Variants in CCNJL observed in about 807,000 individuals in gnomAD.
The protein encoded by CCNJL is cyclin J like, also known as cyclin-J-like protein.
CCNJL carries 33 observed loss-of-function variants against 33.4 expected under a neutral mutation model. The observed-to-expected ratio is 0.99, with a 90% CI of 0.75 to 1.32. The LOEUF (loss-of-function observed/expected upper bound fraction) is 1.32. Among genes scored for constraint, CCNJL ranks in the 40% most tolerant of loss-of-function variants. The pLI, the probability that CCNJL is intolerant of heterozygous loss-of-function variation, is 0.00. For synonymous variants in CCNJL, 227 were observed against 220.9 expected, an observed-to-expected ratio of 1.03 and a Z score of -0.24; for missense variants, 512 against 499.7, an observed-to-expected ratio of 1.02 and a Z score of -0.23.
intron 3 of CCNJL, among the ~76,000 whole-genome samples, chr5:160,270,559 A>G (rs918865113): frequency 2.6e-5 from 4 of 152,202 alleles, no homozygotes; most frequent in Non-Finnish European, 4.4e-5. Flanking sequence ...CCTGAGTGAC[A>G]GAGTGAGATC....
In CCNJL at chr5:160,249,776, A is replaced by G. The variant is rs1440030045; in HGVS notation, c.*3602T>C. Reference sequence around the variant, plus strand: ...AGACCCTGTTTCAAAAAATAAATAAATAAATAAATAAATAAATAAATAAAT... The same window carrying G: ...AGACCCTGTTTCAAAAAATAAATAAGTAAATAAATAAATAAATAAATAAAT... On this transcript the variant is annotated 3_prime_UTR_variant, in exon 6 of 6. Coordinates refer to ENST00000257536, the MANE Select transcript of CCNJL (RefSeq NM_001308173.3). 1 of 101,732 alleles carries G rather than the reference A, an allele frequency of 9.8e-6. No individual in the cohort carries two copies. The highest frequency in any genetic ancestry group is 2.6e-4 in the East Asian group (1 of 3,900). 6.3% of individuals were successfully genotyped at this position (101,732 alleles called of 1,614,324 possible). A position where few individuals can be genotyped will look rare whatever the true frequency, so the allele number is the denominator to read the frequency against.
intron 3 of CCNJL, among the ~76,000 whole-genome samples, chr5:160,265,901 A>C (rs1727193879): frequency 6.6e-6 from 1 of 152,238 alleles, no homozygotes; most frequent in Non-Finnish European, 1.5e-5. Context: ...AATGCCTTTA[A>C]AAACAAGCAA....
At chr5:160,292,272 G>C (rs1318944929) in intron 2 of CCNJL, among the ~76,000 whole-genome samples, 1 of 152,122 alleles carries the variant, frequency 6.6e-6, no homozygotes, top group Non-Finnish European at 1.5e-5. Flanking sequence ...TAGTTTTATA[G>C]AGCCTTATGA....
intron 2 of CCNJL, among the ~76,000 whole-genome samples, chr5:160,303,469 G>A (rs1762988304): frequency 6.6e-6 from 1 of 150,960 alleles, no homozygotes; most frequent in Admixed American, 6.6e-5. Context: ...GCCTCCCAAA[G>A]TGCTGGGATT....
At chr5:160,295,015 C>T (rs563194490) in intron 2 of CCNJL, 48 of 152,402 alleles carry the variant, frequency 3.1e-4, no homozygotes, top group African/African-American at 1.0e-3. Context: ...ACTACCCCCT[C>T]GCTGCGACTC....
At chr5:160,268,187 C>T (rs1394941295) in intron 3 of CCNJL, among the ~76,000 whole-genome samples, 3 of 152,212 alleles carry the variant, frequency 2.0e-5, no homozygotes, top group African/African-American at 7.2e-5. Flanking sequence ...CCAGGGGAGA[C>T]AGATTTTGAG....
intron 3 of CCNJL, among the ~76,000 whole-genome samples, chr5:160,267,192 T>C (rs1349120561): frequency 1.3e-5 from 2 of 152,186 alleles, no homozygotes; most frequent in Non-Finnish European, 2.9e-5. Context: ...TGGCAGACCC[T>C]GGACCACACA....
At chr5:160,307,777 G>A (rs1763137956) in intron 2 of CCNJL, among the ~76,000 whole-genome samples, 1 of 152,168 alleles carries the variant, frequency 6.6e-6, no homozygotes, top group Non-Finnish European at 1.5e-5. Context: ...TCCTAGGTGG[G>A]CTTCTGCAGA....
At chr5:160,295,334 A>T (rs2113404430) in intron 2 of CCNJL, among the ~76,000 whole-genome samples, 1 of 152,206 alleles carries the variant, frequency 6.6e-6, no homozygotes, top group South Asian at 2.1e-4. Context: ...CTAAAAATAC[A>T]AAAAATTAGC....
At chr5:160,298,367 AAAAG>A (rs1236168772) in intron 2 of CCNJL, among the ~76,000 whole-genome samples, 1 of 152,174 alleles carries the variant, frequency 6.6e-6, no homozygotes, top group East Asian at 1.9e-4. Flanking sequence ...TAAAAAAAAA[AAAAG>A]ACAGTTTCGA....
intron 3 of CCNJL, among the ~76,000 whole-genome samples, chr5:160,260,213 CA>C (rs1288727341): frequency 6.6e-6 from 1 of 152,202 alleles, no homozygotes; most frequent in Non-Finnish European, 1.5e-5. Flanking sequence ...CTAGAGTCAG[CA>C]TGGCCACGCA....
At chr5:160,329,644 C>T (rs1020762792) in intron 1 of CCNJL, among the ~76,000 whole-genome samples, 1 of 152,126 alleles carries the variant, frequency 6.6e-6, no homozygotes, top group Non-Finnish European at 1.5e-5. Flanking sequence ...CCACTACGCC[C>T]GGCCTCTTCT....
intron 2 of CCNJL, among the ~76,000 whole-genome samples, chr5:160,305,609 A>G (rs777912386): frequency 1.3e-5 from 2 of 152,262 alleles, no homozygotes; most frequent in African/African-American, 2.4e-5. Flanking sequence ...AAGAGCCTAT[A>G]GTGTCATGGA....
In CCNJL at chr5:160,325,679, T is replaced by G. The variant is rs79105808; in HGVS notation, n.207-10174A>C. ...AAGTATACACATATTTGAGGCAATA[T>G]AAGCAAGCAAACTGGCAGCCCACAC... On this transcript the variant is annotated intron_variant and non_coding_transcript_variant, in intron 1 of 7. Coordinates refer to the CCNJL transcript ENST00000377503. Among the ~76,000 whole-genome samples the G allele has an allele frequency of 7.2e-5, 11 of 152,298 alleles. No homozygotes were observed. In the East Asian group the frequency reaches 2.1e-3, roughly 29 times the overall value.
At position 160,333,458 on chromosome 5, in the gene CCNJL, G is replaced by T. The variant is rs146512746; in HGVS notation, n.206+5987C>A. Among the ~76,000 whole-genome samples the T allele has an allele frequency of 2.6e-5, 4 of 152,038 alleles. No homozygotes were observed. The East Asian group carries it at 5.8e-4, about 22-fold the overall frequency. The stretch of plus-strand genomic sequence containing the variant: ...TTTTAAAAAGTAGCCAGGCATGGCA[G>T]TGTGCACCTGTAGTCCCAGCTACTC... On this transcript the variant is annotated intron_variant and non_coding_transcript_variant, in intron 1 of 7. Coordinates refer to the CCNJL transcript ENST00000377503.
chr5:160,294,228 T>C (rs372421032), intron 2 of CCNJL, among the ~76,000 whole-genome samples: 40 of 152,328 alleles, frequency 2.6e-4, no homozygotes, highest in African/African-American at 7.9e-4. Context: ...TCTGCCCCGA[T>C]TGCTTCATAA....
chr5:160,321,192 C>T (rs1763458629), intron 1 of CCNJL, among the ~76,000 whole-genome samples: 1 of 151,820 alleles, frequency 6.6e-6, no homozygotes, highest in African/African-American at 2.4e-5. Flanking sequence ...TAGGAGCCCT[C>T]CAGCCTGACA....
intron 2 of CCNJL, among the ~76,000 whole-genome samples, chr5:160,310,785 G>A (rs1265413048): frequency 6.6e-6 from 1 of 152,174 alleles, no homozygotes; most frequent in East Asian, 1.9e-4. Flanking sequence ...TGTGACAGTG[G>A]AGGCAGAGAC....
chr5:160,304,290 G>A (rs1763022796), intron 2 of CCNJL, among the ~76,000 whole-genome samples: 3 of 152,218 alleles, frequency 2.0e-5, no homozygotes, highest in Non-Finnish European at 4.4e-5. Context: ...ACTGCAGTCA[G>A]TTTCAAAGCT....
Sources: gnomAD v4.1 joint callset for allele counts (sites outside exome capture counted in the v4.1 genomes callset) on GRCh38, gnomAD v4.1.1 for gene constraint, MANE v1.5 for transcripts, NCBI Gene and HGNC (gene_info 2026-07-23, HGNC 2026-07-21) for gene names.